Variants in GSK3B observed in about 807,000 individuals in gnomAD.
The protein encoded by GSK3B is glycogen synthase kinase 3 beta.
Under a neutral mutation model 56.4 loss-of-function variants are expected in GSK3B, and 15 were observed. The ratio of observed to expected loss-of-function variants is 0.27; its 90% CI spans 0.18 to 0.41. The LOEUF (loss-of-function observed/expected upper bound fraction) is 0.41, where lower values mean the gene tolerates loss of function less well. GSK3B is among the 10% of genes least tolerant of loss of function. GSK3B has a pLI of 1.00. For synonymous variants in GSK3B, 181 were observed against 188.9 expected (o/e 0.96, Z 0.34); for missense variants, 300 against 513.4 (o/e 0.58, Z 4.02).
chr3:119,893,950 A>AT (rs1354537636), intron 7 of GSK3B, among the ~76,000 whole-genome samples: 1 of 151,756 alleles, frequency 6.6e-6, no homozygotes, highest in Non-Finnish European at 1.5e-5. Flanking sequence ...TTTTTACTAC[A>AT]TTTACAGAGG....
intron 6 of GSK3B, among the ~76,000 whole-genome samples, chr3:119,906,243 G>A (rs1400460658): frequency 6.6e-6 from 1 of 152,064 alleles, no homozygotes; most frequent in East Asian, 1.9e-4. Context: ...GAGCAGCAAG[G>A]AAAGGTTCAA....
At chr3:119,981,092 C>T (rs570019429) in intron 2 of GSK3B, among the ~76,000 whole-genome samples, 49 of 152,286 alleles carry the variant, frequency 3.2e-4, no homozygotes, top group African/African-American at 1.1e-3. Context: ...GTAAAACCTA[C>T]GACACGTGGA....
intron 2 of GSK3B, among the ~76,000 whole-genome samples, chr3:119,989,601 C>T (rs560565088): frequency 9.1e-4 from 137 of 150,688 alleles, no homozygotes; most frequent in African/African-American, 3.2e-3. Flanking sequence ...GCTGAGATTG[C>T]GCCACTGTAC....
At chr3:119,898,052 C>A (rs2056587397) in intron 7 of GSK3B, among the ~76,000 whole-genome samples, 1 of 152,114 alleles carries the variant, frequency 6.6e-6, no homozygotes, top group South Asian at 2.1e-4. Context: ...GCTGAAAATG[C>A]AAACAATATG....
intron 2 of GSK3B, among the ~76,000 whole-genome samples, chr3:119,968,087 C>T (rs1238292436): frequency 6.6e-6 from 1 of 152,112 alleles, no homozygotes; most frequent in Non-Finnish European, 1.5e-5. Context: ...CATCTCTTGA[C>T]CCTGTGATCC....
At chr3:119,893,724 T>C (rs749222773) in intron 7 of GSK3B, among the ~76,000 whole-genome samples, 2 of 152,128 alleles carry the variant, frequency 1.3e-5, no homozygotes, top group African/African-American at 2.4e-5. Context: ...TCTCCTTCCC[T>C]TTTAGGGGGC....
rs1047430851 is a variant in GSK3B at position 119,823,851 on chromosome 3, A to G, written c.*2937T>C. On this transcript the variant is annotated 3_prime_UTR_variant, in exon 11 of 11. Transcript: ENST00000264235. ...ACTGTTATGAGTGAGTTATTATTTC[A>G]AAGGGAAAGGGGGTGGACAGGGAGA... The G allele has an allele frequency of 5.0e-6, 1 of 201,016 alleles. No individual in the cohort carries two copies. The highest frequency in any genetic ancestry group is 1.0e-5 in the Non-Finnish European group (1 of 97,588). 12.5% of individuals were successfully genotyped at this position (201,016 alleles called of 1,614,324 possible). A position where few individuals can be genotyped will look rare whatever the true frequency, so the allele number is the denominator to read the frequency against.
chr3:120,053,359 T>C (rs1416726548), intron 1 of GSK3B, among the ~76,000 whole-genome samples: 2 of 152,030 alleles, frequency 1.3e-5, no homozygotes, highest in Non-Finnish European at 2.9e-5. Flanking sequence ...AAACTACATC[T>C]ATCACAGAGT....
At chr3:119,955,236 A>C (rs1189277271) in intron 2 of GSK3B, among the ~76,000 whole-genome samples, 19 of 144,396 alleles carry the variant, frequency 1.3e-4, no homozygotes, top group Non-Finnish European at 2.1e-4. Flanking sequence ...CCAACAGCTA[A>C]AAAAAAAAAA....
chr3:120,092,544 T>C (rs1381601808), intron 1 of GSK3B, among the ~76,000 whole-genome samples: 1 of 152,240 alleles, frequency 6.6e-6, no homozygotes, highest in East Asian at 1.9e-4. Context: ...TTTGGCACTA[T>C]GACAAAACAA....
chr3:119,869,623 T>C (rs916186963), intron 8 of GSK3B, among the ~76,000 whole-genome samples: 5 of 152,236 alleles, frequency 3.3e-5, no homozygotes, highest in African/African-American at 1.2e-4. Context: ...CAAGTTCTAC[T>C]ATAGGTAAGA....
chr3:119,824,998 G>A lies in GSK3B; in HGVS notation c.*1790C>T, dbSNP rs1207899572. ...CGAGACCCATAAAGTGACCTAAGGT[G>A]GCAATGAGGAGGGTGAGGGCAAGTT... On this transcript the variant is annotated 3_prime_UTR_variant, in exon 11 of 11. Transcript: ENST00000264235. 2 of 185,822 alleles carry A rather than the reference G, an allele frequency of 1.1e-5. No homozygotes were observed. Among genetic ancestry groups the A allele is most frequent in the Middle Eastern group, 1.9e-3 (1 of 530 alleles). 11.5% of individuals were successfully genotyped at this position (185,822 alleles called of 1,614,324 possible).
intron 2 of GSK3B, among the ~76,000 whole-genome samples, chr3:119,997,364 G>GTATT (rs1279852437): frequency 2.0e-5 from 3 of 152,088 alleles, no homozygotes; most frequent in African/African-American, 7.2e-5. Context: ...CATGGAAGAT[G>GTATT]TATTTACATG....
chr3:119,850,465 G>A (rs1232128723), intron 9 of GSK3B, among the ~76,000 whole-genome samples: 1 of 152,142 alleles, frequency 6.6e-6, no homozygotes, highest in African/African-American at 2.4e-5. Context: ...TTTTCCCTGT[G>A]AGGAAGCCTC....
intron 3 of GSK3B, among the ~76,000 whole-genome samples, chr3:119,939,335 G>C (rs2057025180): frequency 6.6e-6 from 1 of 152,108 alleles, no homozygotes; most frequent in South Asian, 2.1e-4. Context: ...GATGTTCAAA[G>C]ACCTTGTATG....
chr3:120,078,962 A>G (rs970667868), intron 1 of GSK3B, among the ~76,000 whole-genome samples: 3 of 136,108 alleles, frequency 2.2e-5, no homozygotes, highest in Non-Finnish European at 3.1e-5. Flanking sequence ...TTTCTTTTTG[A>G]GACAGTCTCG....
chr3:120,033,099 T>C (rs1317399939), intron 1 of GSK3B, among the ~76,000 whole-genome samples: 1 of 152,250 alleles, frequency 6.6e-6, no homozygotes, highest in African/African-American at 2.4e-5. Flanking sequence ...GGTGGAATCA[T>C]ATGATACTTG....
At chr3:119,838,509 T>C (rs2055726664) in intron 10 of GSK3B, among the ~76,000 whole-genome samples, 1 of 152,168 alleles carries the variant, frequency 6.6e-6, no homozygotes, top group Non-Finnish European at 1.5e-5. Context: ...CTAGTCCCTA[T>C]CCACATGAAA....
At position 119,923,421 on chromosome 3, in the gene GSK3B, G is replaced by C. The variant is rs1315411191; in HGVS notation, c.429C>G (p.Ala143=). 2.5e-6 allele frequency: 4 copies of C among 1,604,488 alleles called. No individual in the cohort carries two copies. The highest frequency in any genetic ancestry group is 3.4e-6 in the Non-Finnish European group (4 of 1,172,588). ...TCTGTTTGGCTCGACTATAGTGTCT[G>C]GCAACTCTGTATACTGTTTCCGGAA... ...DYVPETVYRV[A]RHYSRAKQTL... Residue 143 remains alanine, a synonymous_variant, in exon 4 of 11, where the codon GCC becomes GCG. Coordinates refer to ENST00000264235, the MANE Select transcript of GSK3B (RefSeq NM_001146156.2).
Sources: allele counts gnomAD v4.1 joint callset (sites outside exome capture counted in the v4.1 genomes callset), GRCh38; gene constraint gnomAD v4.1.1; transcripts MANE v1.5; gene names NCBI Gene and HGNC (gene_info 2026-07-23, HGNC 2026-07-21).